PAFAH1B2: variants seen among roughly 807,000 people sequenced by gnomAD.
The protein encoded by PAFAH1B2 is platelet-activating factor acetylhydrolase IB subunit alpha2.
In PAFAH1B2, 8 loss-of-function variants were observed where a neutral mutation model predicts 28.0. The ratio of observed to expected loss-of-function variants is 0.29; its 90% CI spans 0.17 to 0.52. The LOEUF (loss-of-function observed/expected upper bound fraction) is 0.52. PAFAH1B2 is among the 20% of genes least tolerant of loss of function. The probability of loss-of-function intolerance (pLI) is 0.97; values close to 1 mark genes in which losing one functional copy is unlikely to be tolerated. For missense variants in PAFAH1B2, 190 were observed against 282.6 expected, an observed-to-expected ratio of 0.67 and a Z score of 2.35; for synonymous variants, 104 against 103.2, an observed-to-expected ratio of 1.01 and a Z score of -0.05.
At chr11:117,159,219 A>C (rs1052893078) in intron 2 of PAFAH1B2, among the ~76,000 whole-genome samples, 6 of 152,172 alleles carry the variant, frequency 3.9e-5, no homozygotes, top group Non-Finnish European at 8.8e-5. Context: ...GTATTTTTCT[A>C]TTCTGGTTTC....
At chr11:117,154,859 A>G (rs1268661150) in intron 2 of PAFAH1B2, among the ~76,000 whole-genome samples, 1 of 152,224 alleles carries the variant, frequency 6.6e-6, no homozygotes, top group Non-Finnish European at 1.5e-5. Flanking sequence ...GTATGACTGA[A>G]ATAATGCAGG....
chr11:117,173,747 A>G (rs755450724), downstream of PAFAH1B2, among the ~76,000 whole-genome samples: 10 of 152,168 alleles, frequency 6.6e-5, no homozygotes, highest in South Asian at 1.4e-3. Context: ...CTGATTCCCA[A>G]TCTAACATGC....
At chr11:117,159,857 T>C in intron 2 of PAFAH1B2, 77 bp from the exon 3 acceptor site, 1 of 997,816 alleles carries the variant, frequency 1.0e-6, no homozygotes, top group East Asian at 2.4e-5. Context: ...TCCCAAAATG[T>C]TGAGAGTTCA....
chr11:117,168,445 C>CCT lies in PAFAH1B2; in HGVS notation c.*746_*747insCT, dbSNP rs1565274998. 2.3e-5 allele frequency: 8 copies of CCT among 354,304 alleles called. No individual in the cohort carries two copies. The highest frequency in any genetic ancestry group is 2.8e-4 in the Admixed American group (1 of 3,536). 21.9% of individuals were successfully genotyped at this position (354,304 alleles called of 1,614,324 possible). A position where few individuals can be genotyped will look rare whatever the true frequency, so the allele number is the denominator to read the frequency against. ...TTCCCCTTCATTCCCCCCGCCACCC[C>CCT]GTTTTTTTTTTTTTTTTTTTTTTTT... On this transcript the variant is annotated 3_prime_UTR_variant, in exon 6 of 6. Transcript: ENST00000527958.
chr11:117,174,872 C>A, downstream of PAFAH1B2: 1 of 1,494,142 alleles, frequency 6.7e-7, no homozygotes, highest in South Asian at 1.2e-5. Context: ...GCCTTGGCCT[C>A]CCAAAGTGCT....
intron 2 of PAFAH1B2, among the ~76,000 whole-genome samples, chr11:117,158,045 C>A (rs569837349): frequency 4.0e-4 from 61 of 152,056 alleles, no homozygotes; most frequent in African/African-American, 1.4e-3. Flanking sequence ...GGCTGAGGCA[C>A]AAAAATTGGT....
At chr11:117,147,199 C>T (rs1356921225) in intron 1 of PAFAH1B2, among the ~76,000 whole-genome samples, 1 of 152,078 alleles carries the variant, frequency 6.6e-6, no homozygotes, top group Non-Finnish European at 1.5e-5. Flanking sequence ...ACCCGAGAGG[C>T]GGAGGTTGCA....
intron 2 of PAFAH1B2, among the ~76,000 whole-genome samples, chr11:117,157,106 G>A (rs1038034870): frequency 6.6e-6 from 1 of 150,932 alleles, no homozygotes; most frequent in African/African-American, 2.4e-5. Context: ...ATAGGAAAAA[G>A]CACCTATTCA....
chr11:117,171,910 C>T (rs1168498850), downstream of PAFAH1B2, among the ~76,000 whole-genome samples: 1 of 152,096 alleles, frequency 6.6e-6, no homozygotes, highest in East Asian at 1.9e-4. Context: ...TTTTGTTTTT[C>T]TAGCTGCCCT....
downstream of PAFAH1B2, among the ~76,000 whole-genome samples, chr11:117,173,381 A>AGC (rs1956714429): frequency 6.6e-6 from 1 of 152,236 alleles, no homozygotes; most frequent in Non-Finnish European, 1.5e-5. Flanking sequence ...AGGGAAGCCT[A>AGC]GCTCCACTGT....
intron 1 of PAFAH1B2, among the ~76,000 whole-genome samples, chr11:117,145,627 G>A (rs1054305413): frequency 2.6e-5 from 4 of 152,162 alleles, no homozygotes; most frequent in Non-Finnish European, 5.9e-5. Context: ...CATAAATTAT[G>A]GAGGTGCTGG....
Position 117,163,642 on chromosome 11 carries a change from C to T in PAFAH1B2, c.289-128C>T, listed in dbSNP as rs145667427. On this transcript the variant is annotated intron_variant, in intron 4 of 5. Transcript: ENST00000527958. ...GAGCCGAAATGGTGCCACTGCACTC[C>T]AGTCTGGGTGATAGAGCGAGACCCC... The T allele has an allele frequency of 7.7e-3, 7,082 of 915,092 alleles. 357 individuals are homozygous for T. In the African/African-American group the frequency reaches 0.11, roughly 14 times the overall value. The allele number at this position is 915,092 out of a possible 1,614,324, so 56.7% of individuals were successfully genotyped here.
intron 2 of PAFAH1B2, among the ~76,000 whole-genome samples, chr11:117,153,477 C>T (rs890444396): frequency 5.3e-5 from 8 of 152,040 alleles, no homozygotes; most frequent in Admixed American, 5.3e-4. Context: ...CACCCCCCTG[C>T]CACCCTGGGT....
downstream of PAFAH1B2, chr11:117,177,019 C>G (rs2030018216): frequency 6.6e-6 from 1 of 151,962 alleles, no homozygotes; most frequent in African/African-American, 2.4e-5. Context: ...ACCAGCCTGA[C>G]CAATATGGTG....
downstream of PAFAH1B2, among the ~76,000 whole-genome samples, chr11:117,174,724 C>A (rs1956743167): frequency 6.6e-6 from 1 of 152,128 alleles, no homozygotes; most frequent in Non-Finnish European, 1.5e-5. Flanking sequence ...GTGATCCGTC[C>A]ACCTTGGCCT....
intron 1 of PAFAH1B2, among the ~76,000 whole-genome samples, chr11:117,147,227 C>T (rs547657165): frequency 6.6e-6 from 1 of 152,164 alleles, no homozygotes; most frequent in African/African-American, 2.4e-5. Context: ...AAGGTCGCGC[C>T]GTTGTACTCC....
intron 2 of PAFAH1B2, among the ~76,000 whole-genome samples, chr11:117,158,713 C>T (rs998517129): frequency 3.0e-4 from 44 of 147,326 alleles, no homozygotes; most frequent in Admixed American, 1.9e-3. Flanking sequence ...GGCATGATCC[C>T]GGCTCACTGC....
chr11:117,171,972 T>C (rs559952494), downstream of PAFAH1B2, among the ~76,000 whole-genome samples: 3 of 152,164 alleles, frequency 2.0e-5, no homozygotes, highest in South Asian at 4.1e-4. Flanking sequence ...CCCACACTCC[T>C]GGAGGCCTTT....
intron 5 of PAFAH1B2, among the ~76,000 whole-genome samples, chr11:117,166,990 A>G (rs1360872218): frequency 6.6e-6 from 1 of 152,216 alleles, no homozygotes; most frequent in Non-Finnish European, 1.5e-5. Context: ...ATAAATAGAT[A>G]AGATATATGG....
Sources: allele counts gnomAD v4.1 joint callset (sites outside exome capture counted in the v4.1 genomes callset), GRCh38; gene constraint gnomAD v4.1.1; transcripts MANE v1.5; gene names NCBI Gene and HGNC (gene_info 2026-07-23, HGNC 2026-07-21).